RGS8: variants seen among roughly 807,000 people sequenced by gnomAD.
RGS8 encodes regulator of G-protein signaling 8.
Under a neutral mutation model 21.7 loss-of-function variants are expected in RGS8, and 8 were observed. The ratio of observed to expected loss-of-function variants is 0.37; its 90% CI spans 0.22 to 0.66. The LOEUF (loss-of-function observed/expected upper bound fraction) is 0.66, where lower values mean the gene tolerates loss of function less well. Ranked by LOEUF, RGS8 falls within the 30% of genes least tolerant of loss-of-function variation. The pLI is 0.59. For synonymous variants in RGS8, 80 were observed against 83.6 expected, an observed-to-expected ratio of 0.96 and a Z score of 0.24; for missense variants, 157 against 217.9, an observed-to-expected ratio of 0.72 and a Z score of 1.76.
chr1:182,672,892 T>C, upstream of RGS8: 4 of 1,605,320 alleles, frequency 2.5e-6, no homozygotes, highest in Non-Finnish European at 3.4e-6. Flanking sequence ...AGTGTAGTGG[T>C]TCTCCAAGCG....
chr1:182,732,296 CACACA>C, the RGS8 span, among the ~76,000 whole-genome samples: 1 of 149,150 alleles, frequency 6.7e-6, no homozygotes, highest in East Asian at 1.9e-4. Context: ...CACACACACA[CACACA>C]CCCACTGTAG....
At chr1:182,680,801 T>G (rs780506901) in intron 1 of RGS8, among the ~76,000 whole-genome samples, 1 of 152,156 alleles carries the variant, frequency 6.6e-6, no homozygotes, top group East Asian at 1.9e-4. Flanking sequence ...GCTCAGTTAA[T>G]GTATGTTGAG....
the RGS8 span, among the ~76,000 whole-genome samples, chr1:182,741,276 C>T: frequency 0.042 from 5,351 of 127,552 alleles, 232 homozygotes; most frequent in Non-Finnish European, 0.053. Flanking sequence ...AAGCTCCCCT[C>T]ACCTCCCGGA....
At chr1:182,692,098 T>A in the RGS8 span, among the ~76,000 whole-genome samples, 1 of 151,580 alleles carries the variant, frequency 6.6e-6, no homozygotes, top group South Asian at 2.1e-4. Flanking sequence ...CTCTGCCTCC[T>A]GGGTTCAAGC....
chr1:182,676,965 A>G (rs1243226594), upstream of RGS8, among the ~76,000 whole-genome samples: 1 of 152,242 alleles, frequency 6.6e-6, no homozygotes, highest in Non-Finnish European at 1.5e-5. Context: ...CTATGGGGGA[A>G]ATGCCCTGTA....
chr1:182,704,498 G>A, the RGS8 span, among the ~76,000 whole-genome samples: 2 of 152,160 alleles, frequency 1.3e-5, no homozygotes, highest in Admixed American at 6.5e-5. Flanking sequence ...GAAGAAAAGT[G>A]TGCCAGTTTG....
At chr1:182,697,453 C>T in the RGS8 span, among the ~76,000 whole-genome samples, 2 of 152,206 alleles carry the variant, frequency 1.3e-5, no homozygotes, top group Non-Finnish European at 2.9e-5. Context: ...GAATCAGTTC[C>T]CTTATTCTTA....
At chr1:182,642,983 C>T (rs913598019), downstream of RGS8, 4 of 152,220 alleles carry the variant, frequency 2.6e-5, no homozygotes, top group African/African-American at 9.7e-5. Flanking sequence ...GAGACACAGC[C>T]TAATGCAAAA....
chr1:182,686,310 C>T (rs1161616110), upstream of RGS8, among the ~76,000 whole-genome samples: 2 of 152,076 alleles, frequency 1.3e-5, no homozygotes, highest in East Asian at 1.9e-4. Context: ...AAGTGTTGAT[C>T]GAATTTTTTT....
intron 5 of RGS8, among the ~76,000 whole-genome samples, chr1:182,653,403 G>A (rs1206043664): frequency 6.6e-6 from 1 of 150,446 alleles, no homozygotes; most frequent in East Asian, 1.9e-4. Context: ...TTTTAAGATA[G>A]ACTTGGGTAG....
intron 5 of RGS8, among the ~76,000 whole-genome samples, chr1:182,655,709 C>T (rs1334167315): frequency 1.3e-5 from 2 of 152,172 alleles, no homozygotes; most frequent in African/African-American, 4.8e-5. Flanking sequence ...GATGAGCTTT[C>T]CCAGGTAGAG....
chr1:182,731,376 T>G, the RGS8 span, among the ~76,000 whole-genome samples: 1 of 152,204 alleles, frequency 6.6e-6, no homozygotes, highest in Non-Finnish European at 1.5e-5. Context: ...CCTGATACAG[T>G]AAAATAATTC....
At chr1:182,732,303 C>CACACACA in the RGS8 span, among the ~76,000 whole-genome samples, 138 of 95,792 alleles carry the variant, frequency 1.4e-3, no homozygotes, top group African/African-American at 6.2e-3. Flanking sequence ...ACACACACAC[C>CACACACA]CACTGTAGCA....
the RGS8 span, among the ~76,000 whole-genome samples, chr1:182,734,071 C>A: frequency 6.6e-6 from 1 of 151,934 alleles, no homozygotes; most frequent in Non-Finnish European, 1.5e-5. Flanking sequence ...CAGGCGCCTG[C>A]CACCATGCCC....
chr1:182,711,972 TAAC>T, the RGS8 span, among the ~76,000 whole-genome samples: 4 of 152,322 alleles, frequency 2.6e-5, no homozygotes, highest in African/African-American at 9.6e-5. Flanking sequence ...GTATGAATGA[TAAC>T]AACAGTAGGT....
the RGS8 span, among the ~76,000 whole-genome samples, chr1:182,732,300 CA>C: frequency 1.3e-5 from 2 of 151,938 alleles, no homozygotes; most frequent in Admixed American, 1.3e-4. Flanking sequence ...CACACACACA[CA>C]CCCACTGTAG....
At chr1:182,665,815 A>G (rs1320372239) in intron 5 of RGS8, among the ~76,000 whole-genome samples, 154 bp downstream of exon 6, 2 of 152,212 alleles carry the variant, frequency 1.3e-5, no homozygotes, top group Admixed American at 1.3e-4. Context: ...TTTCTTTTCT[A>G]TATGCTCCTC....
At chr1:182,671,808 G>GCA (rs200058757) in intron 1 of RGS8, 78 bp from the exon 3 acceptor site, 24 of 1,603,332 alleles carry the variant, frequency 1.5e-5, no homozygotes, top group Non-Finnish European at 2.0e-5. Flanking sequence ...ACACATAGGG[G>GCA]CACACACACA....
upstream of RGS8, among the ~76,000 whole-genome samples, chr1:182,687,637 G>T (rs2102462514): frequency 6.6e-6 from 1 of 152,302 alleles, no homozygotes; most frequent in African/African-American, 2.4e-5. Context: ...GGATCACTAG[G>T]CTGTCAAAAC....
Sources: allele counts gnomAD v4.1 joint callset (sites outside exome capture counted in the v4.1 genomes callset), GRCh38; gene constraint gnomAD v4.1.1; transcripts MANE v1.5; gene names NCBI Gene and HGNC (gene_info 2026-07-23, HGNC 2026-07-21).